The following ANO4 variants were observed in gnomAD, a reference collection of about 807,000 sequenced individuals.
ANO4 encodes anoctamin 4, also known as anoctamin-4.
A neutral mutation model predicts 141.9 loss-of-function variants in ANO4; 69 were observed. The observed-to-expected ratio is 0.49, with a 90% CI of 0.40 to 0.59. The LOEUF (loss-of-function observed/expected upper bound fraction) is 0.59, where lower values mean the gene tolerates loss of function less well. Ranked by LOEUF, ANO4 falls within the 20% of genes least tolerant of loss-of-function variation. The pLI is 0.00. For synonymous variants in ANO4, 350 were observed against 394.3 expected, an observed-to-expected ratio of 0.89 and a Z score of 1.33; for missense variants, 894 against 1,162.2, an observed-to-expected ratio of 0.77 and a Z score of 3.36.
intron 1 of ANO4, among the ~76,000 whole-genome samples, chr12:100,719,841 TC>T (rs2030785928): frequency 6.6e-6 from 1 of 152,224 alleles, no homozygotes; most frequent in Admixed American, 6.5e-5. Context: ...GCTTGCTCTT[TC>T]CGCATTTTAG....
intron 24 of ANO4, among the ~76,000 whole-genome samples, chr12:101,113,448 G>A (rs2050738398): frequency 6.6e-6 from 1 of 152,078 alleles, no homozygotes; most frequent in African/African-American, 2.4e-5. Context: ...GCTCTTTGGA[G>A]CTTTTCTTTT....
intron 8 of ANO4, among the ~76,000 whole-genome samples, chr12:100,993,664 C>T (rs768206015): frequency 3.9e-5 from 6 of 152,046 alleles, no homozygotes; most frequent in Non-Finnish European, 5.9e-5. Flanking sequence ...CTGCCATCCC[C>T]TAAATCCCTT....
intron 10 of ANO4, among the ~76,000 whole-genome samples, chr12:101,039,577 C>T (rs2047336341): frequency 6.6e-6 from 1 of 152,256 alleles, no homozygotes; most frequent in Middle Eastern, 3.4e-3. Context: ...GGCCCCTGGG[C>T]CAGACACTTT....
At chr12:100,899,089 G>A (rs1423492500) in intron 1 of ANO4, among the ~76,000 whole-genome samples, 2 of 152,184 alleles carry the variant, frequency 1.3e-5, no homozygotes, top group Non-Finnish European at 2.9e-5. Context: ...ACCTCTGGGA[G>A]TAGAAGGCTC....
intron 8 of ANO4, among the ~76,000 whole-genome samples, chr12:101,011,216 C>T (rs1269746048): frequency 6.6e-6 from 1 of 151,950 alleles, no homozygotes; most frequent in Non-Finnish European, 1.5e-5. Context: ...AGATTAAAGC[C>T]ATTCACAAAT....
intron 2 of ANO4, among the ~76,000 whole-genome samples, chr12:100,904,695 T>G (rs2040755543): frequency 6.6e-6 from 1 of 152,172 alleles, no homozygotes; most frequent in Non-Finnish European, 1.5e-5. Context: ...TAGGCCATTG[T>G]AAGGACTTTG....
In ANO4 at chr12:100,949,374, A is replaced by G. The variant is rs564951193; in HGVS notation, c.456+6839A>G. ...ACATTCTGAGTGTTCATTTGGTTCT[A>G]CCATTACAAGCTGTGTGCCCTTGTA... is the stretch of plus-strand genomic sequence containing the variant. On this transcript the variant is annotated intron_variant, in intron 5 of 27. Coordinates refer to ENST00000392977, the MANE Select transcript of ANO4 (RefSeq NM_001286615.2). Among the ~76,000 whole-genome samples, 4 of 152,350 alleles carry G rather than the reference A, an allele frequency of 2.6e-5. No homozygotes were observed. In the East Asian group the frequency reaches 5.8e-4, roughly 22 times the overall value.
At chr12:101,061,168 C>T (rs1170053789) in intron 14 of ANO4, among the ~76,000 whole-genome samples, 2 of 152,056 alleles carry the variant, frequency 1.3e-5, no homozygotes, top group East Asian at 3.9e-4. Context: ...TGAAATTCAG[C>T]GTTGAAAATT....
intron 1 of ANO4, among the ~76,000 whole-genome samples, chr12:100,817,703 G>C (rs1244456213): frequency 2.0e-5 from 3 of 151,860 alleles, no homozygotes; most frequent in Non-Finnish European, 2.9e-5. Context: ...ACAGTTAGAA[G>C]ACCTCTTATC....
chr12:101,092,570 C>T (rs2049822564), intron 17 of ANO4, among the ~76,000 whole-genome samples: 1 of 152,156 alleles, frequency 6.6e-6, no homozygotes, highest in Non-Finnish European at 1.5e-5. Flanking sequence ...TGCATCCTGT[C>T]CAATGTCTCA....
intron 15 of ANO4, among the ~76,000 whole-genome samples, chr12:101,081,366 TGGTGG>T (rs145940914): frequency 0.015 from 2,214 of 152,262 alleles, 67 homozygotes; most frequent in African/African-American, 0.051. Context: ...TTGGCGTTTG[TGGTGG>T]GCCCCTGATG....
chr12:100,717,494 C>T (rs1320263408), upstream of ANO4: 4 of 398,692 alleles, frequency 1.0e-5, no homozygotes, highest in Non-Finnish European at 1.8e-5. Context: ...CTAGCCGACG[C>T]CCTGGCCAGT....
Position 101,020,053 on chromosome 12 carries a change from G to A in ANO4, c.754G>A (p.Glu252Lys). ...ATGCAGCTTCATCATACACAACAAA[G>A]AAACGTTCTTCAACAATGCCACAAG... ...RIHHFIIHNK[E>K]TFFNNATRSR... Residue 252 changes from glutamate to lysine, a missense_variant, in exon 9 of 28, where the codon GAA becomes AAA. This residue lies in a region of ANO4 where 637 missense variants were observed against 909.2 expected (regional missense o/e 0.70). Transcript: ENST00000392977. 1 of 1,612,842 alleles carries A rather than the reference G, an allele frequency of 6.2e-7. No individual in the cohort carries two copies. The highest frequency in any genetic ancestry group is 8.5e-7 in the Non-Finnish European group (1 of 1,179,070).
intron 1 of ANO4, among the ~76,000 whole-genome samples, chr12:100,894,908 GTGAGCCGAGATCCCGCCACTGCAC>G (rs1268863595): frequency 1.3e-5 from 2 of 149,628 alleles, no homozygotes; most frequent in African/African-American, 4.9e-5. Flanking sequence ...GGAGCTTGCA[GTGAGCCGAGATCCCGCCACTGCAC>G]TCCAGCCTGG....
intron 1 of ANO4, among the ~76,000 whole-genome samples, chr12:100,808,467 T>G (rs1225219082): frequency 1.3e-5 from 2 of 152,186 alleles, no homozygotes; most frequent in Admixed American, 6.6e-5. Context: ...AGATGTATAG[T>G]TTGCAAAAAT....
chr12:100,864,157 C>CAT (rs1308716949), intron 1 of ANO4, among the ~76,000 whole-genome samples: 2 of 152,150 alleles, frequency 1.3e-5, no homozygotes, highest in African/African-American at 4.8e-5. Flanking sequence ...ATGACTCTAA[C>CAT]AATGTCGTAT....
At chr12:100,960,981 C>A (rs1419538541) in intron 5 of ANO4, among the ~76,000 whole-genome samples, 1 of 152,152 alleles carries the variant, frequency 6.6e-6, no homozygotes, top group Non-Finnish European at 1.5e-5. Context: ...AGATTTAGTA[C>A]TGGGATTACC....
intron 8 of ANO4, among the ~76,000 whole-genome samples, chr12:100,990,061 G>A (rs141199474): frequency 3.9e-4 from 60 of 152,246 alleles, no homozygotes; most frequent in Non-Finnish European, 6.5e-4. Context: ...GGGTATAGGA[G>A]TGGTTGTGTA....
At chr12:101,080,446 C>G (rs990262355) in intron 15 of ANO4, among the ~76,000 whole-genome samples, 1 of 152,084 alleles carries the variant, frequency 6.6e-6, no homozygotes, top group African/African-American at 2.4e-5. Flanking sequence ...TCCTTGTTCT[C>G]CTGATAAGGC....
Sources: gnomAD v4.1 joint callset for allele counts (sites outside exome capture counted in the v4.1 genomes callset) on GRCh38, gnomAD v4.1.1 for gene constraint, gnomAD v4.1.1 regional missense constraint, MANE v1.5 for transcripts, NCBI Gene and HGNC (gene_info 2026-07-23, HGNC 2026-07-21) for gene names.